Variants in SPOCD1 observed in about 807,000 individuals in gnomAD.
SPOCD1 encodes SPOC domain-containing protein 1.
A neutral mutation model predicts 92.2 loss-of-function variants in SPOCD1; 64 were observed. That is an observed-to-expected ratio of 0.69 (90% CI 0.57 to 0.86). SPOCD1 has a LOEUF of 0.86. Among genes scored for constraint, SPOCD1 ranks in the 40% least tolerant of loss-of-function variants. The pLI is 0.00. For synonymous variants in SPOCD1, 578 were observed against 619.3 expected, an observed-to-expected ratio of 0.93 and a Z score of 0.99; for missense variants, 1,360 against 1,543.1, an observed-to-expected ratio of 0.88 and a Z score of 1.99.
rs757019452 is a variant in SPOCD1, at chr1:31,813,950, C to T, written c.1383+1G>A. On this transcript the variant is annotated splice_donor_variant, in intron 2 of 15. Coordinates refer to ENST00000360482, the MANE Select transcript of SPOCD1 (RefSeq NM_144569.7). LOFTEE classifies it high-confidence loss of function. The stretch of plus-strand genomic sequence containing the variant: ...ATCCCAAACTCTCAGACTCAGCTCA[C>T]CAGTCTGGGGCAGCCTCCTGGGCTG... 1.3e-6 allele frequency: 2 copies of T among 1,513,314 alleles called. No individual in the cohort carries two copies. Among genetic ancestry groups the T allele is most frequent in the Admixed American group, 2.1e-5 (1 of 47,296 alleles). The allele number at this position is 1,513,314 out of a possible 1,614,324, so 93.7% of individuals were successfully genotyped here.
intron 2 of SPOCD1, among the ~76,000 whole-genome samples, chr1:31,812,889 C>A (rs566961090): frequency 3.9e-5 from 6 of 152,304 alleles, no homozygotes; most frequent in African/African-American, 1.2e-4. Flanking sequence ...AAGATTAAAT[C>A]AAAAACATCT....
At chr1:31,806,844 C>T (rs1014862817) in intron 2 of SPOCD1, among the ~76,000 whole-genome samples, 1 of 152,120 alleles carries the variant, frequency 6.6e-6, no homozygotes, top group Non-Finnish European at 1.5e-5. Context: ...TGAGGAACCG[C>T]GCCCAGCCAT....
chr1:31,793,901 C>T lies in SPOCD1; in HGVS notation c.2384-4G>A. 2 of 1,607,928 alleles carry T rather than the reference C, an allele frequency of 1.2e-6. No homozygotes were observed. Among genetic ancestry groups the T allele is most frequent in the Non-Finnish European group, 1.7e-6 (2 of 1,175,528 alleles). The stretch of plus-strand genomic sequence containing the variant: ...AGCTCATTCGAGGGCTCCCAGTCTG[C>T]AAATAGCAGAGGCAGGAGCTGAAAC... On this transcript the variant is annotated splice_region_variant and splice_polypyrimidine_tract_variant and intron_variant, in intron 11 of 15. Transcript: ENST00000360482.
At chr1:31,802,834 C>T (rs1249844340) in intron 2 of SPOCD1, among the ~76,000 whole-genome samples, 1 of 152,088 alleles carries the variant, frequency 6.6e-6, no homozygotes, top group Non-Finnish European at 1.5e-5. Flanking sequence ...TTTGTATTTG[C>T]TGGAATACAC....
intron 2 of SPOCD1, among the ~76,000 whole-genome samples, chr1:31,807,451 T>C (rs1236019401): frequency 2.1e-5 from 2 of 93,848 alleles, no homozygotes; most frequent in African/African-American, 4.0e-5. Context: ...AAGGGACTTT[T>C]AAATAACAGA....
rs1477439329 is a variant in SPOCD1, at chr1:31,813,976, G to A, written c.1358C>T (p.Pro453Leu). Residue 453 changes from proline to leucine, a missense_variant, in exon 2 of 16, where the codon CCC becomes CTC. Pro to Leu is a moderately conservative substitution (Grantham distance 98). Coordinates refer to ENST00000360482, the MANE Select transcript of SPOCD1 (RefSeq NM_144569.7). ...CAGTCTGGGGCAGCCTCCTGGGCTG[G>A]GTTCCTCTGGCCTGTCCTGGTGGGA... Reference protein sequence around the residue: ...DNSHQDRPEEPSPGGCPRLEE... With the variant: ...DNSHQDRPEELSPGGCPRLEE... 1 of 1,562,824 alleles carries A rather than the reference G, an allele frequency of 6.4e-7. No individual in the cohort carries two copies. The highest frequency in any genetic ancestry group is 1.4e-5 in the African/African-American group (1 of 73,376).
At position 31,790,718 on chromosome 1, in the gene SPOCD1, A is replaced by C. The variant is rs757533920; in HGVS notation, c.3536T>G (p.Leu1179Arg). 1.3e-6 allele frequency: 2 copies of C among 1,551,838 alleles called. No individual in the cohort carries two copies. The highest frequency in any genetic ancestry group is 1.7e-6 in the Non-Finnish European group (2 of 1,147,116). Residue 1179 changes from leucine to arginine, a missense_variant, in exon 16 of 16, where the codon CTG becomes CGG. Leu to Arg is a moderately radical substitution (Grantham distance 102). Coordinates refer to ENST00000360482, the MANE Select transcript of SPOCD1 (RefSeq NM_144569.7). ...TGCAAGGGCGCTAGACAAACGCTGC[A>C]GAGGGCGGGGGATGGAGCTCTTGGT... Reference protein sequence around the residue: ...PQTKSSIPRPLQRLSSALAAP... With the variant: ...PQTKSSIPRPRQRLSSALAAP...
chr1:31,806,649 G>A (rs929984343), intron 2 of SPOCD1, among the ~76,000 whole-genome samples: 1 of 151,694 alleles, frequency 6.6e-6, no homozygotes, highest in African/African-American at 2.4e-5. Flanking sequence ...AGGTTCAAGC[G>A]ATTCTCCTGC....
rs190153332 is a variant in SPOCD1 at position 31,815,397 on chromosome 1, C to T, written c.-39-25G>A. 686 of 1,481,036 alleles carry T rather than the reference C, an allele frequency of 4.6e-4. 3 individuals are homozygous for T. The African/African-American group carries it at 8.8e-3, about 19-fold the overall frequency. 91.7% of individuals were successfully genotyped at this position (1,481,036 alleles called of 1,614,324 possible). ...CCTGTGTGGAGACAGAAAGAGGAGA[C>T]TTTGTCTTGGAGAGTCCGACCTGTC... On this transcript the variant is annotated intron_variant, in intron 1 of 15. Transcript: ENST00000360482.
chr1:31,799,304 G>C (rs1570167882), intron 7 of SPOCD1, 97 bp downstream of exon 7: 1 of 1,094,996 alleles, frequency 9.1e-7, no homozygotes, highest in Non-Finnish European at 1.4e-6. Flanking sequence ...GGGTTAGCCA[G>C]ACACCCAGAA....
At chr1:31,808,831 T>A (rs1004542034) in intron 2 of SPOCD1, among the ~76,000 whole-genome samples, 1 of 152,208 alleles carries the variant, frequency 6.6e-6, no homozygotes, top group Non-Finnish European at 1.5e-5. Flanking sequence ...GATTTCTGGA[T>A]GCAAAATCAA....
chr1:31,802,788 C>T (rs1305630200), intron 2 of SPOCD1, among the ~76,000 whole-genome samples: 1 of 152,052 alleles, frequency 6.6e-6, no homozygotes, highest in East Asian at 1.9e-4. Flanking sequence ...GTGTGGTGTG[C>T]TACCATTCGC....
At chr1:31,796,836 T>C in intron 9 of SPOCD1, 121 bp from the exon 10 acceptor site, 1 of 1,405,938 alleles carries the variant, frequency 7.1e-7, no homozygotes, top group East Asian at 2.3e-5. Flanking sequence ...CTCAAAACTT[T>C]TACTTCCGCC....
In SPOCD1 at chr1:31,794,287, G is replaced by A. The variant is rs778303063; in HGVS notation, c.2272-52C>T. 18 of 1,441,552 alleles carry A rather than the reference G, an allele frequency of 1.2e-5. 1 individual carries two copies. The East Asian group carries it at 3.3e-4, about 26-fold the overall frequency. The allele number at this position is 1,441,552 out of a possible 1,614,324, so 89.3% of individuals were successfully genotyped here. On this transcript the variant is annotated intron_variant, in intron 10 of 15. Coordinates refer to ENST00000360482, the MANE Select transcript of SPOCD1 (RefSeq NM_144569.7). ...GCTGAAAACGTGGCTGGGGGTGCCC[G>A]GAGGCCTCCATGGGTAGGGGGCCCC...
At chr1:31,815,510 C>T (rs1325950760) in intron 1 of SPOCD1, 138 bp from the exon 2 acceptor site, 3 of 531,500 alleles carry the variant, frequency 5.6e-6, no homozygotes, top group African/African-American at 1.9e-5. Flanking sequence ...GTGAGCACTC[C>T]AGGGAGGGGA....
intron 9 of SPOCD1, 127 bp from the exon 10 acceptor site, chr1:31,796,842 C>A (rs1648067457): frequency 1.6e-6 from 2 of 1,284,810 alleles, no homozygotes; most frequent in African/African-American, 2.9e-5. Flanking sequence ...ACTTTTACTT[C>A]CGCCATACCC....
Position 31,798,649 on chromosome 1 carries a change from C to T in SPOCD1, c.1869-48G>A. ...GGGGCACTGAGCCCAGGAGGCTCTC[C>T]AGGCACTTAGTCCCAGAGGGAGGCA... On this transcript the variant is annotated intron_variant, in intron 7 of 15. Transcript: ENST00000360482. The surrounding 1 kb of genome is among the most constrained non-coding windows in gnomAD (Gnocchi z 4.1). 1 of 1,586,664 alleles carries T rather than the reference C, an allele frequency of 6.3e-7. No homozygotes were observed. The highest frequency in any genetic ancestry group is 8.6e-7 in the Non-Finnish European group (1 of 1,168,240).
In SPOCD1 at chr1:31,815,154, G is replaced by T. The variant is rs150564861; in HGVS notation, c.180C>A (p.Pro60=). The stretch of plus-strand genomic sequence containing the variant: ...TGCCACCTCGAAGGGCCTCCTTCCT[G>T]GGGATCTTCCTTCTGCTGCCAGCCC... ...GVRAGSRRKI[P]RKEALRGGSS... The change falls in exon 2 of 16, where the codon CCC becomes CCA. Residue 60 remains proline (P), a synonymous_variant. Transcript: ENST00000360482. 5.0e-6 allele frequency: 8 copies of T among 1,607,968 alleles called. No individual in the cohort carries two copies. In the African/African-American group the frequency reaches 9.4e-5, roughly 19 times the overall value.
rs779563892 is a variant in SPOCD1 at position 31,792,729 on chromosome 1, G to C, written c.2724C>G (p.Pro908=). The C allele has an allele frequency of 1.2e-6, 2 of 1,608,472 alleles. No homozygotes were observed. The highest frequency in any genetic ancestry group is 2.2e-5 in the South Asian group (2 of 89,594). The change falls in exon 14 of 16, where the codon CCC becomes CCG. Residue 908 remains proline, a synonymous_variant. Transcript: ENST00000360482. The stretch of plus-strand genomic sequence containing the variant: ...CCAGAAGGTCCCAGACAATGTTGGA[G>C]GGGATGCAGCCTGCCGAGCGGATCA... ...PTVIRSAGCI[P]SNIVWDLLAS...
Sources: gnomAD v4.1 joint callset for allele counts (sites outside exome capture counted in the v4.1 genomes callset) on GRCh38, gnomAD v4.1.1 for gene constraint, Gnocchi (gnomAD v3.1) non-coding constraint, MANE v1.5 for transcripts, NCBI Gene and HGNC (gene_info 2026-07-23, HGNC 2026-07-21) for gene names.